Variants in CPNE4 observed in about 807,000 individuals in gnomAD.
The protein encoded by CPNE4 is copine 4.
In CPNE4, 25 loss-of-function variants were observed where a neutral mutation model predicts 67.9. The ratio of observed to expected loss-of-function variants is 0.37; its 90% CI spans 0.27 to 0.51. CPNE4 has a LOEUF of 0.51. Among genes scored for constraint, CPNE4 ranks in the 20% least tolerant of loss-of-function variants. CPNE4 has a pLI of 0.93. For synonymous variants in CPNE4, 242 were observed against 244.9 expected (o/e 0.99, Z 0.11); for missense variants, 464 against 690.8 (o/e 0.67, Z 3.68).
At chr3:131,954,077 G>C (rs1044977761) in intron 1 of CPNE4, among the ~76,000 whole-genome samples, 4 of 152,030 alleles carry the variant, frequency 2.6e-5, no homozygotes, top group Non-Finnish European at 5.9e-5. Flanking sequence ...ATGTAAAAGA[G>C]ATAATAAGTA....
intron 2 of CPNE4, among the ~76,000 whole-genome samples, chr3:131,849,189 C>G (rs976961792): frequency 6.6e-6 from 1 of 152,122 alleles, no homozygotes; most frequent in African/African-American, 2.4e-5. Context: ...TATTTCCCCA[C>G]ATCTTGACTT....
chr3:131,956,737 G>C (rs1213596847), intron 1 of CPNE4, among the ~76,000 whole-genome samples: 5 of 152,138 alleles, frequency 3.3e-5, no homozygotes, highest in African/African-American at 1.2e-4. Flanking sequence ...GAAAGTTGTA[G>C]CCTTGAATCT....
chr3:131,843,391 T>C (rs2085869844), intron 2 of CPNE4, among the ~76,000 whole-genome samples: 1 of 152,252 alleles, frequency 6.6e-6, no homozygotes, highest in Non-Finnish European at 1.5e-5. Flanking sequence ...CTGTCATCTC[T>C]TATTTACACA....
intron 2 of CPNE4, among the ~76,000 whole-genome samples, chr3:131,783,452 T>G (rs1026940575): frequency 6.6e-6 from 1 of 152,138 alleles, no homozygotes; most frequent in African/African-American, 2.4e-5. Flanking sequence ...GGGCTGGATT[T>G]TGACTTAGGT....
chr3:131,796,498 C>A (rs1333174809), intron 2 of CPNE4, among the ~76,000 whole-genome samples: 1 of 151,518 alleles, frequency 6.6e-6, no homozygotes, highest in East Asian at 1.9e-4. Flanking sequence ...TAAGTCTATG[C>A]TTGCAGTCTT....
chr3:131,923,467 G>A (rs983321293), intron 1 of CPNE4, among the ~76,000 whole-genome samples: 1 of 152,038 alleles, frequency 6.6e-6, no homozygotes, highest in African/African-American at 2.4e-5. Context: ...CACTTTGGGA[G>A]GCCAAGGTGG....
chr3:131,980,280 C>A (rs1486735713), intron 1 of CPNE4, among the ~76,000 whole-genome samples: 3 of 152,144 alleles, frequency 2.0e-5, no homozygotes, highest in Non-Finnish European at 4.4e-5. Context: ...ATTAGTCCCC[C>A]AAATATGTTT....
chr3:131,909,568 A>T (rs1200879579), intron 1 of CPNE4, among the ~76,000 whole-genome samples: 1 of 152,142 alleles, frequency 6.6e-6, no homozygotes, highest in African/African-American at 2.4e-5. Flanking sequence ...CCAATGGATT[A>T]CTGCAAAGAA....
intron 2 of CPNE4, among the ~76,000 whole-genome samples, chr3:131,826,564 T>G (rs942143152): frequency 6.6e-6 from 1 of 152,116 alleles, no homozygotes; most frequent in Non-Finnish European, 1.5e-5. Context: ...CCCAAGTTGT[T>G]TTTTTGTTTG....
chr3:131,653,439 C>T (rs367584404), intron 7 of CPNE4, among the ~76,000 whole-genome samples: 104 of 152,196 alleles, frequency 6.8e-4, no homozygotes, highest in African/African-American at 2.5e-3. Context: ...TGAGCCACCG[C>T]GCCTGGCCAC....
chr3:131,726,844 G>C (rs1236302195), intron 2 of CPNE4, among the ~76,000 whole-genome samples: 7 of 152,146 alleles, frequency 4.6e-5, no homozygotes, highest in African/African-American at 1.7e-4. Context: ...ATTCTGGTGT[G>C]GGAACATCAG....
chr3:131,672,194 T>C (rs1479867820), intron 6 of CPNE4, among the ~76,000 whole-genome samples: 1 of 152,218 alleles, frequency 6.6e-6, no homozygotes, highest in Non-Finnish European at 1.5e-5. Context: ...TACTCCACTG[T>C]GTATATGTGC....
chr3:131,918,198 T>G (rs370610545), intron 1 of CPNE4, among the ~76,000 whole-genome samples: 88 of 152,330 alleles, frequency 5.8e-4, no homozygotes, highest in African/African-American at 2.0e-3. Context: ...CAGTCAGATT[T>G]TTTAAACTCA....
chr3:131,541,007 C>T (rs1463162215), intron 15 of CPNE4, among the ~76,000 whole-genome samples: 9 of 152,210 alleles, frequency 5.9e-5, no homozygotes, highest in African/African-American at 1.9e-4. Flanking sequence ...GCCAGGGCAG[C>T]TCAAGTTTAG....
intron 13 of CPNE4, among the ~76,000 whole-genome samples, chr3:131,552,064 GAAAAA>G (rs5852631): frequency 8.0e-6 from 1 of 124,804 alleles, no homozygotes. Context: ...ATGAAGTTGT[GAAAAA>G]AAAAAAAAAA....
intron 2 of CPNE4, among the ~76,000 whole-genome samples, chr3:131,751,818 G>A (rs1250197147): frequency 6.6e-6 from 1 of 151,056 alleles, no homozygotes; most frequent in Admixed American, 6.6e-5. Flanking sequence ...TGCTTTTGTA[G>A]GGAAAGCAGG....
At chr3:132,006,834 A>G (rs1215365448) in intron 1 of CPNE4, among the ~76,000 whole-genome samples, 1 of 152,166 alleles carries the variant, frequency 6.6e-6, no homozygotes, top group Non-Finnish European at 1.5e-5. Flanking sequence ...TTTCACAATT[A>G]ACTAGATGTG....
intron 1 of CPNE4, among the ~76,000 whole-genome samples, chr3:131,987,018 A>G (rs891580268): frequency 6.6e-6 from 1 of 152,214 alleles, no homozygotes; most frequent in Non-Finnish European, 1.5e-5. Flanking sequence ...AGTGGTACTT[A>G]GGCATCAGTT....
At chr3:132,037,436 T>A, upstream of CPNE4, 1 of 751,668 alleles carries the variant, frequency 1.3e-6, no homozygotes, top group Non-Finnish European at 2.3e-6. Context: ...TCTGTACAAA[T>A]GAAGATTTGT....
Sources: gnomAD v4.1 joint callset for allele counts (sites outside exome capture counted in the v4.1 genomes callset) on GRCh38, gnomAD v4.1.1 for gene constraint, MANE v1.5 for transcripts, NCBI Gene and HGNC (gene_info 2026-07-23, HGNC 2026-07-21) for gene names.